Variants in ADCY9 observed in about 807,000 individuals in gnomAD.
ADCY9 encodes the protein adenylate cyclase type 9.
In ADCY9, 50 loss-of-function variants were observed where a neutral mutation model predicts 101.5. The ratio of observed to expected loss-of-function variants is 0.49; its 90% CI spans 0.39 to 0.62. The LOEUF is 0.62. ADCY9 is among the 20% of genes least tolerant of loss of function. The probability of loss-of-function intolerance (pLI) is 0.00; values close to 1 mark genes in which losing one functional copy is unlikely to be tolerated. For missense variants in ADCY9, 1,662 were observed against 1,800.4 expected (o/e 0.92, Z 1.39); for synonymous variants, 905 against 769.3 (o/e 1.18, Z -2.92).
At chr16:4,048,651 A>AT (rs1341565054) in intron 2 of ADCY9, among the ~76,000 whole-genome samples, 1 of 152,174 alleles carries the variant, frequency 6.6e-6, no homozygotes, top group Admixed American at 6.6e-5. Flanking sequence ...ACAATGGCAA[A>AT]TAATAGGAGA....
chr16:3,980,889 G>C (rs1384555510), intron 7 of ADCY9, among the ~76,000 whole-genome samples: 1 of 152,230 alleles, frequency 6.6e-6, no homozygotes, highest in Admixed American at 6.5e-5. Flanking sequence ...ATCTGAAAAT[G>C]AGACCTCACG....
intron 9 of ADCY9, 104 bp downstream of exon 9, chr16:3,977,378 C>T (rs1213683678): frequency 1.3e-5 from 18 of 1,419,792 alleles, no homozygotes; most frequent in Non-Finnish European, 1.7e-5. Flanking sequence ...GGAAATATCT[C>T]TATCGGGGCG....
At position 3,965,116 on chromosome 16, in the gene ADCY9, T is replaced by C. The variant is rs1304600205; in HGVS notation, c.*659A>G. ...TGGGCGAGCCCCTAAACCCGCTCAG[T>C]GCAGGGAGCGCGGCTCACCCACAGC... On this transcript the variant is annotated 3_prime_UTR_variant, in exon 11 of 11. Coordinates refer to ENST00000294016, the MANE Select transcript of ADCY9 (RefSeq NM_001116.4). 1.3e-5 allele frequency: 2 copies of C among 154,726 alleles called. No homozygotes were observed. Among genetic ancestry groups the C allele is most frequent in the African/African-American group, 2.4e-5 (1 of 41,450 alleles). The allele number at this position is 154,726 out of a possible 1,614,324, so 9.6% of individuals were successfully genotyped here.
At chr16:4,039,267 C>A (rs1053857384) in intron 2 of ADCY9, among the ~76,000 whole-genome samples, 1 of 152,202 alleles carries the variant, frequency 6.6e-6, no homozygotes, top group Non-Finnish European at 1.5e-5. Context: ...TTCTCAAACA[C>A]CCACCCCTTT....
chr16:4,072,421 T>A (rs6500577), intron 2 of ADCY9, among the ~76,000 whole-genome samples: 89,659 of 151,966 alleles, frequency 0.59, 26,729 homozygotes, highest in South Asian at 0.68. Flanking sequence ...ACAACTTTGA[T>A]GTTATTGTAC....
At chr16:4,051,480 C>T (rs540114232) in intron 2 of ADCY9, among the ~76,000 whole-genome samples, 3 of 149,688 alleles carry the variant, frequency 2.0e-5, no homozygotes, top group Non-Finnish European at 4.4e-5. Flanking sequence ...GCAGAGATCA[C>T]GCCACTGAAC....
At chr16:4,083,858 T>TGGGGGTGGCAGCTC (rs1243062809) in intron 2 of ADCY9, among the ~76,000 whole-genome samples, 90 of 152,124 alleles carry the variant, frequency 5.9e-4, no homozygotes, top group Non-Finnish European at 1.1e-3. Flanking sequence ...CTGGGAGCAC[T>TGGGGGTGGCAGCTC]GGGGGTGGCA....
chr16:4,017,659 A>AAG, intron 2 of ADCY9, among the ~76,000 whole-genome samples: 1 of 152,034 alleles, frequency 6.6e-6, no homozygotes, highest in African/African-American at 2.4e-5. Flanking sequence ...AAAAAAAAAA[A>AAG]AGATAATGTG....
In ADCY9 at chr16:4,112,612, T is replaced by C. The variant is rs560233630; in HGVS notation, c.1693+1138A>G. ...TACTTCTGCCATCTCTGATTGGAAC[T>C]ATTAATTACTTCTTCCGAGGATTCC... On this transcript the variant is annotated intron_variant, in intron 2 of 10. Transcript: ENST00000294016. Among the ~76,000 whole-genome samples, 96 of 152,168 alleles carry C rather than the reference T, an allele frequency of 6.3e-4. 1 individual carries two copies. The South Asian group carries it at 8.1e-3, about 13-fold the overall frequency.
At chr16:4,073,311 T>C (rs2056846579) in intron 2 of ADCY9, among the ~76,000 whole-genome samples, 1 of 151,900 alleles carries the variant, frequency 6.6e-6, no homozygotes, top group Admixed American at 6.6e-5. Context: ...GGTCTCCAAC[T>C]CCTGGCCTCA....
At position 3,988,985 on chromosome 16, in the gene ADCY9, T is replaced by C; in HGVS notation, c.2310+9A>G. The C allele has an allele frequency of 6.2e-7, 1 of 1,603,654 alleles. No individual in the cohort carries two copies. Among genetic ancestry groups the C allele is most frequent in the East Asian group, 2.2e-5 (1 of 44,772 alleles). Reference sequence around the variant, plus strand: ...TCTTTAGTAAAAGCGCAAGGAGAAATGAACGCACCTCTTCCTGATAGCTGG... The same window carrying C: ...TCTTTAGTAAAAGCGCAAGGAGAAACGAACGCACCTCTTCCTGATAGCTGG... On this transcript the variant is annotated intron_variant, in intron 6 of 10. Transcript: ENST00000294016.
intron 6 of ADCY9, among the ~76,000 whole-genome samples, chr16:3,985,541 C>T (rs886160488): frequency 6.6e-5 from 10 of 152,110 alleles, no homozygotes; most frequent in African/African-American, 2.2e-4. Context: ...GTCAGGGGTT[C>T]GAGTCAGGGC....
chr16:3,988,923 C>T, intron 6 of ADCY9, 71 bp downstream of exon 6: 1 of 1,240,614 alleles, frequency 8.1e-7, no homozygotes, highest in Admixed American at 1.7e-5. Context: ...AAGCACAAAA[C>T]TAACAGTGAA....
intron 2 of ADCY9, among the ~76,000 whole-genome samples, chr16:4,080,292 C>T (rs1007665443): frequency 5.3e-5 from 8 of 152,062 alleles, no homozygotes; most frequent in Non-Finnish European, 1.0e-4. Context: ...TGCCCAGGCT[C>T]TAGTGCAGTG....
intron 2 of ADCY9, among the ~76,000 whole-genome samples, chr16:4,043,060 T>A (rs1597186770): frequency 6.6e-6 from 1 of 151,766 alleles, no homozygotes; most frequent in South Asian, 2.1e-4. Context: ...TGAAACCTCA[T>A]CTCTACTAAA....
intron 2 of ADCY9, among the ~76,000 whole-genome samples, chr16:4,075,000 A>AC (rs1424090285): frequency 4.6e-5 from 7 of 151,888 alleles, no homozygotes; most frequent in Non-Finnish European, 7.4e-5. Context: ...ACATGGTGAG[A>AC]CCCCGTCTCC....
intron 6 of ADCY9, among the ~76,000 whole-genome samples, chr16:3,987,097 T>A (rs893544398): frequency 6.6e-6 from 1 of 152,226 alleles, no homozygotes; most frequent in African/African-American, 2.4e-5. Flanking sequence ...TCCAGAATGT[T>A]CCCTCATCCC....
chr16:4,097,966 C>T lies in ADCY9; in HGVS notation c.1693+15784G>A, dbSNP rs1448342444. 3.9e-5 allele frequency among the ~76,000 whole-genome samples: 6 copies of T among 152,206 alleles called. No individual in the cohort carries two copies. The East Asian group carries it at 7.7e-4, about 20-fold the overall frequency. ...AAGTAAAACATGGAAAATTCCTGCT[C>T]TTAAGATGCATTCCAGTGGCGTGGA... On this transcript the variant is annotated intron_variant, in intron 2 of 10. Coordinates refer to ENST00000294016, the MANE Select transcript of ADCY9 (RefSeq NM_001116.4).
At chr16:4,042,152 T>C (rs1379697407) in intron 2 of ADCY9, among the ~76,000 whole-genome samples, 1 of 152,070 alleles carries the variant, frequency 6.6e-6, no homozygotes, top group Non-Finnish European at 1.5e-5. Context: ...CTCAAACTCC[T>C]GACCTTATGA....
Sources: gnomAD v4.1 joint callset for allele counts (sites outside exome capture counted in the v4.1 genomes callset) on GRCh38, gnomAD v4.1.1 for gene constraint, MANE v1.5 for transcripts, NCBI Gene and HGNC (gene_info 2026-07-23, HGNC 2026-07-21) for gene names.